The following GALNT13 variants were observed in gnomAD, a reference collection of about 807,000 sequenced individuals.
GALNT13 encodes the protein polypeptide N-acetylgalactosaminyltransferase 13.
GALNT13 carries 28 observed loss-of-function variants against 64.2 expected under a neutral mutation model. The observed-to-expected ratio is 0.44, with a 90% CI of 0.32 to 0.60. The LOEUF (loss-of-function observed/expected upper bound fraction) is 0.60. GALNT13 is among the 20% of genes least tolerant of loss of function. The pLI is 0.05. For missense variants in GALNT13, 577 were observed against 669.8 expected (o/e 0.86, Z 1.53); for synonymous variants, 214 against 224.6 (o/e 0.95, Z 0.42).
At chr2:153,353,555 T>TC in the GALNT13 span, among the ~76,000 whole-genome samples, 1 of 151,392 alleles carries the variant, frequency 6.6e-6, no homozygotes, top group Admixed American at 6.6e-5. Context: ...TTTGAGTTTT[T>TC]CACTCTTAAG....
At chr2:153,550,368 G>A in the GALNT13 span, among the ~76,000 whole-genome samples, 2 of 151,668 alleles carry the variant, frequency 1.3e-5, no homozygotes, top group African/African-American at 4.9e-5. Context: ...CTGAGTAGCT[G>A]GGATTACAGA....
the GALNT13 span, among the ~76,000 whole-genome samples, chr2:153,276,869 A>T: frequency 6.6e-6 from 1 of 152,144 alleles, no homozygotes; most frequent in Admixed American, 6.6e-5. Flanking sequence ...CACATTTTTT[A>T]AAATAAAAAG....
the GALNT13 span, among the ~76,000 whole-genome samples, chr2:153,434,623 C>T: frequency 6.6e-6 from 1 of 152,216 alleles, no homozygotes; most frequent in East Asian, 1.9e-4. Context: ...GCATAAATGT[C>T]TTCTTTTGAG....
the GALNT13 span, among the ~76,000 whole-genome samples, chr2:153,104,434 C>A: frequency 6.6e-6 from 1 of 152,212 alleles, no homozygotes; most frequent in Admixed American, 6.5e-5. Context: ...AAAAGTAGGA[C>A]AATCTGGTAG....
chr2:153,357,917 T>A, the GALNT13 span, among the ~76,000 whole-genome samples: 1 of 152,202 alleles, frequency 6.6e-6, no homozygotes, highest in Non-Finnish European at 1.5e-5. Context: ...ATCCCTATAA[T>A]GTAATGTCAC....
intron 10 of GALNT13, among the ~76,000 whole-genome samples, chr2:154,406,373 A>G (rs1699541023): frequency 6.6e-6 from 1 of 152,048 alleles, no homozygotes; most frequent in African/African-American, 2.4e-5. Flanking sequence ...CAGCCACAAT[A>G]AGCTACTATT....
chr2:153,321,033 T>A, the GALNT13 span, among the ~76,000 whole-genome samples: 2 of 152,126 alleles, frequency 1.3e-5, no homozygotes, highest in South Asian at 4.1e-4. Flanking sequence ...GTTAACAGAG[T>A]CCATGGTTAC....
At chr2:153,133,839 G>A in the GALNT13 span, among the ~76,000 whole-genome samples, 3 of 152,172 alleles carry the variant, frequency 2.0e-5, no homozygotes, top group African/African-American at 7.2e-5. Flanking sequence ...CTGCAGCCTT[G>A]TAACTGGAAG....
the GALNT13 span, among the ~76,000 whole-genome samples, chr2:153,704,979 A>T: frequency 6.6e-6 from 1 of 152,172 alleles, no homozygotes; most frequent in Admixed American, 6.5e-5. Flanking sequence ...CAATAACCTC[A>T]TTTATACTGA....
chr2:153,602,456 A>C, the GALNT13 span, among the ~76,000 whole-genome samples: 1 of 151,404 alleles, frequency 6.6e-6, no homozygotes, highest in Non-Finnish European at 1.5e-5. Context: ...TAACTAGGAG[A>C]CCATATAATA....
At chr2:153,292,362 T>C in the GALNT13 span, among the ~76,000 whole-genome samples, 1 of 152,206 alleles carries the variant, frequency 6.6e-6, no homozygotes, top group South Asian at 2.1e-4. Context: ...TAAGAACTCT[T>C]ATATGCTGGG....
chr2:153,289,927 G>T, the GALNT13 span, among the ~76,000 whole-genome samples: 2 of 152,150 alleles, frequency 1.3e-5, no homozygotes, highest in African/African-American at 4.8e-5. Flanking sequence ...ACATGAAAAT[G>T]GAGTAGGGTA....
At chr2:153,734,161 G>A in the GALNT13 span, among the ~76,000 whole-genome samples, 1 of 152,062 alleles carries the variant, frequency 6.6e-6, no homozygotes, top group Non-Finnish European at 1.5e-5. Context: ...AACACTCAAA[G>A]GTGCTTGTTT....
chr2:153,645,979 A>C, the GALNT13 span, among the ~76,000 whole-genome samples: 2 of 152,112 alleles, frequency 1.3e-5, no homozygotes, highest in African/African-American at 2.4e-5. Flanking sequence ...AAATGGGTTC[A>C]TGCTTACATG....
chr2:153,320,601 T>C, the GALNT13 span, among the ~76,000 whole-genome samples: 2 of 152,226 alleles, frequency 1.3e-5, no homozygotes, highest in East Asian at 3.8e-4. Context: ...TCTGAAGTTA[T>C]GGAAACTTTT....
chr2:154,234,075 A>G (rs7607545), intron 4 of GALNT13, among the ~76,000 whole-genome samples: 19,995 of 152,110 alleles, frequency 0.13, 1,558 homozygotes, highest in East Asian at 0.34. Context: ...ACAAACAGGT[A>G]AAGCTTCCCT....
At chr2:154,087,706 G>T (rs1043599797) in intron 3 of GALNT13, among the ~76,000 whole-genome samples, 3 of 152,182 alleles carry the variant, frequency 2.0e-5, no homozygotes, top group Admixed American at 1.3e-4. Context: ...TTCAAGCAAT[G>T]ATGTCATTAT....
At chr2:153,228,837 C>T in the GALNT13 span, among the ~76,000 whole-genome samples, 1 of 135,388 alleles carries the variant, frequency 7.4e-6, no homozygotes, top group South Asian at 2.3e-4. Flanking sequence ...AGCACCACTG[C>T]ACTCCACCCT....
At chr2:154,082,522 G>A (rs1701321961) in intron 3 of GALNT13, among the ~76,000 whole-genome samples, 1 of 151,620 alleles carries the variant, frequency 6.6e-6, no homozygotes, top group African/African-American at 2.4e-5. Flanking sequence ...TGAATATTAT[G>A]AAATGTAACT....
Sources: gnomAD v4.1 joint callset for allele counts (sites outside exome capture counted in the v4.1 genomes callset) on GRCh38, gnomAD v4.1.1 for gene constraint, MANE v1.5 for transcripts, NCBI Gene and HGNC (gene_info 2026-07-23, HGNC 2026-07-21) for gene names.